STXBP5L: variants seen among roughly 807,000 people sequenced by gnomAD.
STXBP5L encodes syntaxin-binding protein 5-like.
A neutral mutation model predicts 144.5 loss-of-function variants in STXBP5L; 65 were observed. The ratio of observed to expected loss-of-function variants is 0.45; its 90% CI spans 0.37 to 0.55. The LOEUF (loss-of-function observed/expected upper bound fraction) is 0.55, where lower values mean the gene tolerates loss of function less well. Ranked by LOEUF, STXBP5L falls within the 20% of genes least tolerant of loss-of-function variation. The probability of loss-of-function intolerance (pLI) is 0.00; values close to 1 mark genes in which losing one functional copy is unlikely to be tolerated. For missense variants in STXBP5L, 1,298 were observed against 1,405.5 expected, an observed-to-expected ratio of 0.92 and a Z score of 1.22; for synonymous variants, 505 against 469.6, an observed-to-expected ratio of 1.08 and a Z score of -0.97.
intron 2 of STXBP5L, among the ~76,000 whole-genome samples, chr3:120,938,110 CATCAT>C (rs1710362889): frequency 7.9e-5 from 12 of 151,550 alleles, no homozygotes; most frequent in Non-Finnish European, 4.4e-5. Flanking sequence ...TAGATATAAC[CATCAT>C]TAATGTTTCA....
chr3:121,075,899 G>A (rs1021015594), intron 5 of STXBP5L, among the ~76,000 whole-genome samples: 2 of 152,210 alleles, frequency 1.3e-5, no homozygotes, highest in African/African-American at 4.8e-5. Flanking sequence ...AGAGCAGCTT[G>A]TATAACTCTA....
At chr3:121,005,184 A>T (rs1160772772) in intron 3 of STXBP5L, among the ~76,000 whole-genome samples, 1 of 152,030 alleles carries the variant, frequency 6.6e-6, no homozygotes, top group Non-Finnish European at 1.5e-5. Flanking sequence ...CTGGTCCTGG[A>T]CTTTTTTTGG....
chr3:121,289,674 T>G (rs1000592367), intron 19 of STXBP5L, among the ~76,000 whole-genome samples: 1 of 152,092 alleles, frequency 6.6e-6, no homozygotes, highest in Non-Finnish European at 1.5e-5. Context: ...CTCAATAAAT[T>G]TTTAAAAGTC....
At chr3:121,004,237 T>G (rs975380808) in intron 3 of STXBP5L, among the ~76,000 whole-genome samples, 18 of 151,942 alleles carry the variant, frequency 1.2e-4, no homozygotes, top group Non-Finnish European at 2.4e-4. Context: ...GAGCAGTGGT[T>G]TGTAGCTCTC....
At chr3:121,130,911 A>G (rs2044955352) in intron 7 of STXBP5L, among the ~76,000 whole-genome samples, 1 of 152,128 alleles carries the variant, frequency 6.6e-6, no homozygotes, top group African/African-American at 2.4e-5. Flanking sequence ...TATCAAAAAC[A>G]ATTTGTAGTC....
intron 5 of STXBP5L, among the ~76,000 whole-genome samples, chr3:121,063,970 G>A (rs1166845451): frequency 6.6e-6 from 1 of 152,128 alleles, no homozygotes; most frequent in East Asian, 1.9e-4. Flanking sequence ...TTGGATCCCT[G>A]GCTTCAGCCC....
chr3:120,931,292 A>G (rs949896882), intron 2 of STXBP5L, among the ~76,000 whole-genome samples: 1 of 152,182 alleles, frequency 6.6e-6, no homozygotes, highest in South Asian at 2.1e-4. Context: ...ATGAGGCTAC[A>G]TAATAGGTAA....
chr3:121,410,410 A>G (rs993829070), intron 23 of STXBP5L, among the ~76,000 whole-genome samples: 1 of 152,050 alleles, frequency 6.6e-6, no homozygotes, highest in African/African-American at 2.4e-5. Context: ...TTAATAATAC[A>G]TATACATAAA....
intron 19 of STXBP5L, among the ~76,000 whole-genome samples, chr3:121,286,847 G>A (rs771271748): frequency 2.0e-5 from 3 of 152,038 alleles, no homozygotes; most frequent in African/African-American, 4.8e-5. Flanking sequence ...AAAAAATGAT[G>A]GGACAGATGG....
At chr3:121,190,766 G>A (rs1226209200) in intron 9 of STXBP5L, among the ~76,000 whole-genome samples, 2 of 31,360 alleles carry the variant, frequency 6.4e-5, no homozygotes, top group Non-Finnish European at 1.3e-4. Context: ...GGGCGGAGGG[G>A]CTCCTCAATT....
At chr3:121,256,332 T>C (rs2050204338) in intron 16 of STXBP5L, among the ~76,000 whole-genome samples, 1 of 152,020 alleles carries the variant, frequency 6.6e-6, no homozygotes, top group East Asian at 1.9e-4. Flanking sequence ...AATGACATTT[T>C]TGTAAGTAAT....
chr3:121,366,788 T>C (rs747343956), intron 20 of STXBP5L, among the ~76,000 whole-genome samples: 1 of 151,774 alleles, frequency 6.6e-6, no homozygotes, highest in Non-Finnish European at 1.5e-5. Flanking sequence ...TGATTTCTCT[T>C]CTATAGGCCT....
At chr3:121,030,947 G>C (rs927097938) in intron 3 of STXBP5L, among the ~76,000 whole-genome samples, 2 of 152,106 alleles carry the variant, frequency 1.3e-5, no homozygotes, top group African/African-American at 4.8e-5. Context: ...ATGAGTTCAA[G>C]ACAAGCTTCC....
At chr3:121,294,118 A>G (rs2051554583) in intron 19 of STXBP5L, among the ~76,000 whole-genome samples, 1 of 152,260 alleles carries the variant, frequency 6.6e-6, no homozygotes, top group African/African-American at 2.4e-5. Flanking sequence ...TGCTGTGTGA[A>G]GAAAATATTG....
chr3:121,412,727 CAAAAAAAAA>C (rs35247157), intron 23 of STXBP5L, among the ~76,000 whole-genome samples: 12 of 69,608 alleles, frequency 1.7e-4, no homozygotes, highest in South Asian at 6.2e-4. Context: ...TTTCTCCCTC[CAAAAAAAAA>C]AAAAAAAAAA....
intron 9 of STXBP5L, among the ~76,000 whole-genome samples, chr3:121,181,427 C>T (rs1332211780): frequency 6.6e-6 from 1 of 152,112 alleles, no homozygotes; most frequent in African/African-American, 2.4e-5. Flanking sequence ...TACAAAATGG[C>T]AGAATGGATA....
At chr3:121,010,233 C>G (rs1178531883) in intron 3 of STXBP5L, among the ~76,000 whole-genome samples, 1 of 151,592 alleles carries the variant, frequency 6.6e-6, no homozygotes, top group African/African-American at 2.4e-5. Flanking sequence ...AGGTAAATGA[C>G]TATATATATC....
chr3:121,190,730 C>T (rs1341925898), intron 9 of STXBP5L, among the ~76,000 whole-genome samples: 1 of 151,942 alleles, frequency 6.6e-6, no homozygotes, highest in Admixed American at 6.6e-5. Context: ...GGGGCTGCCC[C>T]CCACCTCCCG....
At chr3:121,348,197 T>C (rs1421965016) in intron 20 of STXBP5L, among the ~76,000 whole-genome samples, 1 of 152,198 alleles carries the variant, frequency 6.6e-6, no homozygotes, top group East Asian at 1.9e-4. Context: ...AGGCCTTTTC[T>C]GCATCTATTG....
Sources: allele counts gnomAD v4.1 joint callset (sites outside exome capture counted in the v4.1 genomes callset), GRCh38; gene constraint gnomAD v4.1.1; transcripts MANE v1.5; gene names NCBI Gene and HGNC (gene_info 2026-07-23, HGNC 2026-07-21).